THSD7A: variants seen among roughly 807,000 people sequenced by gnomAD.
The protein encoded by THSD7A is thrombospondin type 1 domain containing 7A, also known as thrombospondin type-1 domain-containing protein 7A.
THSD7A carries 96 observed loss-of-function variants against 231.3 expected under a neutral mutation model. The ratio of observed to expected loss-of-function variants is 0.41; its 90% CI spans 0.35 to 0.49. THSD7A has a LOEUF of 0.49. Among genes scored for constraint, THSD7A ranks in the 20% least tolerant of loss-of-function variants. The probability of loss-of-function intolerance (pLI) is 0.05; values close to 1 mark genes in which losing one functional copy is unlikely to be tolerated. For missense variants in THSD7A, 2,290 were observed against 2,070.2 expected, an observed-to-expected ratio of 1.11 and a Z score of -2.06; for synonymous variants, 940 against 743.3, an observed-to-expected ratio of 1.26 and a Z score of -4.30.
rs953624557 is a variant in THSD7A, at chr7:11,401,895, G to T, written c.4311C>A (p.Gly1437=). The T allele has an allele frequency of 6.2e-7, 1 of 1,613,772 alleles. No homozygotes were observed. Among genetic ancestry groups the T allele is most frequent in the African/African-American group, 1.3e-5 (1 of 74,982 alleles). ...TGGATCTGACCTGTATTCCACCAAA[G>T]CCTAGATCCTCACCATTCACACAGG... ...QLTCVNGEDL[G]FGGIQVRSRP... The change falls in exon 23 of 28, where the codon GGC becomes GGA. Residue 1437 remains glycine, a synonymous_variant. Transcript: ENST00000423059.
intron 1 of THSD7A, among the ~76,000 whole-genome samples, chr7:11,723,857 GCCAGACCATATAGA>G (rs1283892427): frequency 6.6e-6 from 1 of 151,870 alleles, no homozygotes; most frequent in South Asian, 2.1e-4. Flanking sequence ...AAGTAACTGG[GCCAGACCATATAGA>G]CATTAACAGA....
At chr7:11,785,584 T>G (rs4721012) in intron 1 of THSD7A, among the ~76,000 whole-genome samples, 45,249 of 152,026 alleles carry the variant, frequency 0.3, 7,593 homozygotes, top group East Asian at 0.44. Flanking sequence ...TTAATCCTTA[T>G]TGTTAATCCT....
At chr7:11,435,567 G>C (rs554948420) in intron 13 of THSD7A, among the ~76,000 whole-genome samples, 1 of 152,158 alleles carries the variant, frequency 6.6e-6, no homozygotes, top group African/African-American at 2.4e-5. Context: ...GCTCAGGTGA[G>C]CTTTCTGTTT....
At chr7:11,553,756 A>T (rs765632346) in intron 4 of THSD7A, among the ~76,000 whole-genome samples, 2 of 152,046 alleles carry the variant, frequency 1.3e-5, no homozygotes, top group Non-Finnish European at 2.9e-5. Context: ...AATGAGGCTG[A>T]TGCATTTCTG....
chr7:11,737,105 C>T (rs66741322), intron 1 of THSD7A, among the ~76,000 whole-genome samples: 29,385 of 151,842 alleles, frequency 0.19, 3,711 homozygotes, highest in African/African-American at 0.35. Flanking sequence ...ACTCCTTTCC[C>T]TTATAAATTA....
At chr7:11,500,456 T>C (rs1188856616) in intron 6 of THSD7A, among the ~76,000 whole-genome samples, 1 of 152,006 alleles carries the variant, frequency 6.6e-6, no homozygotes, top group Non-Finnish European at 1.5e-5. Flanking sequence ...GTCAAATCCA[T>C]ACATATTAAT....
rs1235016119 is a variant in THSD7A, at chr7:11,379,112, C to G, written c.4759G>C (p.Ala1587Pro). 2 of 1,613,584 alleles carry G rather than the reference C, an allele frequency of 1.2e-6. No homozygotes were observed. Among genetic ancestry groups the G allele is most frequent in the Non-Finnish European group, 1.7e-6 (2 of 1,179,684 alleles). ...AGAAACCAGGTCCTTCCCCGTCCTG[C>G]TGGGTTACTGGAGGGTTGGGTTGGA... The part of the protein sequence containing the change: ...VHPTQPSSNP[A>P]GRGRTWFLQP... The change falls in exon 26 of 28, where the codon GCA becomes CCA. Residue 1587 changes from alanine (A) to proline (P), a missense_variant. Physicochemically the swap from Ala to Pro is conservative, Grantham distance 27. Transcript: ENST00000423059.
At chr7:11,580,108 ACT>A (rs1289228570) in intron 4 of THSD7A, among the ~76,000 whole-genome samples, 1 of 152,076 alleles carries the variant, frequency 6.6e-6, no homozygotes, top group African/African-American at 2.4e-5. Flanking sequence ...GTCCCAAAAG[ACT>A]CTCATTAGCT....
intron 4 of THSD7A, among the ~76,000 whole-genome samples, chr7:11,584,018 G>C (rs1791284108): frequency 6.6e-6 from 1 of 152,122 alleles, no homozygotes; most frequent in Non-Finnish European, 1.5e-5. Flanking sequence ...TATCCTTTGA[G>C]ATTAATGAAG....
At chr7:11,509,881 T>A (rs1333488708) in intron 6 of THSD7A, among the ~76,000 whole-genome samples, 1 of 145,438 alleles carries the variant, frequency 6.9e-6, no homozygotes, top group African/African-American at 2.5e-5. Flanking sequence ...ATATTAAGAA[T>A]CTGAACATTG....
At chr7:11,386,070 T>C (rs1005585952) in intron 23 of THSD7A, among the ~76,000 whole-genome samples, 1 of 152,224 alleles carries the variant, frequency 6.6e-6, no homozygotes, top group Non-Finnish European at 1.5e-5. Context: ...GGATGTATAA[T>C]ATTCCATGGT....
chr7:11,407,480 G>C lies in THSD7A; in HGVS notation c.3799-57C>G, dbSNP rs911680012. ...TTGTAAATTGGGGGAGGGAGCCAGAGAATGAGGTGACAAGAAAGAAGAGAA... is the reference window on the plus strand; with the variant it reads ...TTGTAAATTGGGGGAGGGAGCCAGACAATGAGGTGACAAGAAAGAAGAGAA... On this transcript the variant is annotated intron_variant, in intron 19 of 27. Coordinates refer to ENST00000423059, the MANE Select transcript of THSD7A (RefSeq NM_015204.3). The C allele has an allele frequency of 3.1e-6, 4 of 1,285,302 alleles. No individual in the cohort carries two copies. The African/African-American group carries it at 4.4e-5, about 14-fold the overall frequency. The allele number at this position is 1,285,302 out of a possible 1,614,324, so 79.6% of individuals were successfully genotyped here.
chr7:11,733,944 T>C (rs115177218), intron 1 of THSD7A, among the ~76,000 whole-genome samples: 13 of 152,002 alleles, frequency 8.6e-5, no homozygotes, highest in African/African-American at 2.9e-4. Context: ...CCTTCTTTTG[T>C]TATATTTCCC....
At chr7:11,376,737 G>A in intron 26 of THSD7A, 80 bp from the exon 27 acceptor site, 2 of 1,039,524 alleles carry the variant, frequency 1.9e-6, no homozygotes, top group Non-Finnish European at 1.4e-6. Context: ...CCAATGATCA[G>A]TCATATATGA....
intron 1 of THSD7A, among the ~76,000 whole-genome samples, chr7:11,648,802 A>G (rs1340500954): frequency 1.3e-5 from 2 of 151,974 alleles, no homozygotes; most frequent in Non-Finnish European, 2.9e-5. Flanking sequence ...TAGCCATTTT[A>G]TCTATCTGAA....
Position 11,446,255 on chromosome 7 carries a change from G to A in THSD7A, c.2870C>T (p.Pro957Leu), listed in dbSNP as rs1467357731. 1 of 1,613,388 alleles carries A rather than the reference G, an allele frequency of 6.2e-7. No homozygotes were observed. Among genetic ancestry groups the A allele is most frequent in the Admixed American group, 1.7e-5 (1 of 59,930 alleles). ...AGGTTGTGCATTATATTTGTCACAA[G>A]GACAATACTGAGTCTCAATCAGGGG... ...LYPLIETQYCPCDKYNAQPVG... is the reference protein window; with the variant it reads ...LYPLIETQYCLCDKYNAQPVG... Residue 957 changes from proline to leucine, a missense_variant, in exon 13 of 28, where the codon CCT becomes CTT. Pro to Leu is a moderately conservative substitution (Grantham distance 98). Transcript: ENST00000423059. This position sits in a 1 kb window ranked among gnomAD's most constrained non-coding sequence, Gnocchi z 4.0.
chr7:11,664,479 T>A (rs1783046232), intron 1 of THSD7A, among the ~76,000 whole-genome samples: 1 of 151,994 alleles, frequency 6.6e-6, no homozygotes, highest in Non-Finnish European at 1.5e-5. Context: ...CATCACATGC[T>A]TAGTAACATT....
chr7:11,463,742 T>C (rs1368496253), intron 9 of THSD7A, among the ~76,000 whole-genome samples: 1 of 152,176 alleles, frequency 6.6e-6, no homozygotes, highest in African/African-American at 2.4e-5. Flanking sequence ...ATTGTAGCAG[T>C]AGTTTGAATG....
chr7:11,626,367 A>G (rs1781472710), intron 2 of THSD7A, among the ~76,000 whole-genome samples: 1 of 152,158 alleles, frequency 6.6e-6, no homozygotes, highest in African/African-American at 2.4e-5. Flanking sequence ...CATCAAGGTC[A>G]TATTCCCAAA....
Sources: allele counts gnomAD v4.1 joint callset (sites outside exome capture counted in the v4.1 genomes callset), GRCh38; gene constraint gnomAD v4.1.1; non-coding constraint Gnocchi (gnomAD v3.1); transcripts MANE v1.5; gene names NCBI Gene and HGNC (gene_info 2026-07-23, HGNC 2026-07-21).